Variants in FGA observed in about 807,000 individuals in gnomAD.
FGA encodes the protein fibrinogen, A alpha polypeptide.
Under a neutral mutation model 20.3 loss-of-function variants are expected in FGA, and 20 were observed. The ratio of observed to expected loss-of-function variants is 0.99; its 90% CI spans 0.69 to 1.43. The LOEUF (loss-of-function observed/expected upper bound fraction) is 1.43, where lower values mean the gene tolerates loss of function less well. Among genes scored for constraint, FGA ranks in the 40% most tolerant of loss-of-function variants. The probability of loss-of-function intolerance (pLI) is 0.00; values close to 1 mark genes in which losing one functional copy is unlikely to be tolerated. For missense variants in FGA, 777 were observed against 784.7 expected (o/e 0.99, Z 0.12); for synonymous variants, 306 against 281.6 (o/e 1.09, Z -0.87).
chr4:154,584,208 A>G (rs772268514), downstream of FGA: 1 of 1,610,070 alleles, frequency 6.2e-7, no homozygotes, highest in Non-Finnish European at 8.5e-7. Context: ...AGACCACTCC[A>G]TTCTCAATCT....
rs763140166 is a variant in FGA, at chr4:154,589,592, A to G, written c.55-30T>C. 10 of 1,609,352 alleles carry G rather than the reference A, an allele frequency of 6.2e-6. 1 individual carries two copies. In the Admixed American group the frequency reaches 1.0e-4, roughly 16 times the overall value. On this transcript the variant is annotated intron_variant, in intron 1 of 4. Coordinates refer to ENST00000403106, the MANE Select transcript of FGA (RefSeq NM_021871.4). ...AAAGATTCATTCACATACACAAAAG[A>G]GAGCAACAGCAATGTTAGCCAGAAG...
chr4:154,584,023 A>AT (rs1259617151), downstream of FGA: 2 of 921,168 alleles, frequency 2.2e-6, no homozygotes, highest in African/African-American at 1.7e-5. Flanking sequence ...GCACCTAGGA[A>AT]TTTTTTAGGT....
chr4:154,586,928 G>A lies in FGA; in HGVS notation c.511-10C>T, dbSNP rs762697411. The A allele has an allele frequency of 6.2e-7, 1 of 1,612,270 alleles. No individual in the cohort carries two copies. The highest frequency in any genetic ancestry group is 1.1e-5 in the South Asian group (1 of 91,042). ...TAATATCAATGTCCACCTAGAGAGA[G>A]GGGAGAAAAATAAAGAGAAAATGTA... On this transcript the variant is annotated splice_polypyrimidine_tract_variant and intron_variant, in intron 4 of 4. Transcript: ENST00000403106.
At chr4:154,587,789 A>AAGAAAG (rs1730772807) in intron 3 of FGA, 132 bp from the exon 4 acceptor site, 1 of 725,200 alleles carries the variant, frequency 1.4e-6, no homozygotes, top group Non-Finnish European at 2.3e-6. Flanking sequence ...GAAAGAAAGA[A>AAGAAAG]AGAAAGAAAG....
intron 3 of FGA, among the ~76,000 whole-genome samples, chr4:154,588,001 G>C (rs1481592167): frequency 6.6e-6 from 1 of 152,114 alleles, no homozygotes; most frequent in Non-Finnish European, 1.5e-5. Flanking sequence ...ACTTTCTTTG[G>C]AATTTTAAAG....
In FGA at chr4:154,586,831, G is replaced by T. The variant is rs776578146; in HGVS notation, c.598C>A (p.Gln200Lys). 1 of 1,614,120 alleles carries T rather than the reference G, an allele frequency of 6.2e-7. No individual in the cohort carries two copies. The highest frequency in any genetic ancestry group is 1.7e-5 in the Admixed American group (1 of 60,016). The part of the protein sequence containing the change: ...REVDLKDYED[Q>K]QKQLEQVIAK... ...ATGACCTGTTCAAGTTGCTTCTGCTGATCTTCATAGTCCTTCAGATCTACT... is the reference window on the plus strand; with the variant it reads ...ATGACCTGTTCAAGTTGCTTCTGCTTATCTTCATAGTCCTTCAGATCTACT... Residue 200 changes from glutamine (Q) to lysine (K), a missense_variant, in exon 5 of 5, where the codon CAG becomes AAG. Physicochemically the swap from Gln to Lys is moderately conservative, Grantham distance 53. Coordinates refer to ENST00000403106, the MANE Select transcript of FGA (RefSeq NM_021871.4).
At position 154,587,733 on chromosome 4, in the gene FGA, A is replaced by AAAGGAAGG. The variant is rs1229169589; in HGVS notation, c.365-84_365-77dup. Reference sequence around the variant, plus strand: ...AATTGCCAGCAAAAAAGAAAGGAAGAAAGGAAGGAAGGAGAAAGAAAGAAA... The same window carrying AAAGGAAGG: ...AATTGCCAGCAAAAAAGAAAGGAAGAAAGGAAGGAAGGAAGGAAGGAGAAAGAAAGAAA... On this transcript the variant is annotated intron_variant, in intron 3 of 4. Transcript: ENST00000403106. The AAAGGAAGG allele has an allele frequency of 2.0e-5, 19 of 955,930 alleles. No individual in the cohort carries two copies. In the African/African-American group the frequency reaches 3.1e-4, roughly 15 times the overall value. 59.2% of individuals were successfully genotyped at this position (955,930 alleles called of 1,614,324 possible).
At chr4:154,583,154 A>G (rs1179933657), downstream of FGA, 3 of 152,212 alleles carry the variant, frequency 2.0e-5, no homozygotes, top group African/African-American at 7.2e-5. Context: ...TACATATTCA[A>G]GAGAAAATGA....
In FGA at chr4:154,588,923, A is replaced by G. The variant is rs1578798973; in HGVS notation, c.234T>C (p.Asn78=). The G allele has an allele frequency of 6.2e-7, 1 of 1,613,542 alleles. No homozygotes were observed. The highest frequency in any genetic ancestry group is 1.7e-5 in the Admixed American group (1 of 59,978). ...CRMKGLIDEV[N]QDFTNRINKL... is the part of the protein sequence containing the mutation. ...TATTTATTCTGTTTGTAAAATCTTG[A>G]TTGACTTCATCAATCAACCCTTTCA... Residue 78 remains asparagine, a synonymous_variant, in exon 3 of 5, where the codon AAT becomes AAC. Transcript: ENST00000403106.
intron 3 of FGA, 146 bp from the exon 4 acceptor site, chr4:154,587,803 G>T (rs1730775135): frequency 1.5e-6 from 1 of 664,374 alleles, no homozygotes; most frequent in South Asian, 1.8e-5. Context: ...AAGAAAGAAA[G>T]AGAAAAAAGA....
chr4:154,590,680 G>A lies in FGA; in HGVS notation c.8C>T (p.Ser3Phe), dbSNP rs771156473. ...TAGGACCAGGCAGACGATCCTCATG[G>A]AAAACATCTTTTCTAAGGGTGGGGC... The part of the protein sequence containing the change: MF[S>F]MRIVCLVLSV... The change falls in exon 1 of 5, where the codon TCC (serine) becomes TTC (phenylalanine). Residue 3 changes from serine to phenylalanine, a missense_variant. Coordinates refer to ENST00000403106, the MANE Select transcript of FGA (RefSeq NM_021871.4). The A allele has an allele frequency of 3.2e-6, 5 of 1,556,758 alleles. No individual in the cohort carries two copies. In the Admixed American group the frequency reaches 9.7e-5, roughly 30 times the overall value.
downstream of FGA, chr4:154,584,039 A>G: frequency 9.8e-7 from 1 of 1,017,124 alleles, no homozygotes; most frequent in Non-Finnish European, 1.5e-6. Flanking sequence ...TAGGTTGTAG[A>G]GAATCTCAAC....
At chr4:154,584,806 G>C (rs758526513), downstream of FGA, 1 of 1,613,566 alleles carries the variant, frequency 6.2e-7, no homozygotes, top group Non-Finnish European at 8.5e-7. Flanking sequence ...GGTACCTGAA[G>C]GATGTGTTTG....
Position 154,590,657 on chromosome 4 carries a change from GGACCAGGCA to G in FGA, c.22_30del (p.Cys8_Val10del), listed in dbSNP as rs1560828572. On this transcript the variant is annotated inframe_deletion, in exon 1 of 5. Transcript: ENST00000403106. ...ACCCATGCTGTGCCCACCACACTTA[GGACCAGGCA>G]GACGATCCTCATGGAAAACATCTTT... 6.4e-7 allele frequency: 1 copy of G among 1,558,792 alleles called. No individual in the cohort carries two copies. Among genetic ancestry groups the G allele is most frequent in the South Asian group, 1.2e-5 (1 of 84,484 alleles).
At chr4:154,584,092 A>AGACAGAGTGCTCCCATTCCCACTTCGAT, downstream of FGA, 2 of 1,543,554 alleles carry the variant, frequency 1.3e-6, no homozygotes, top group Non-Finnish European at 1.8e-6. Flanking sequence ...CTAGCAAAGA[A>AGACAGAGTGCTCCCATTCCCACTTCGAT]GACAGAGTGC....
chr4:154,586,030 T>C lies in FGA; in HGVS notation c.1399A>G (p.Lys467Glu). The C allele has an allele frequency of 6.2e-7, 1 of 1,614,146 alleles. No homozygotes were observed. The highest frequency in any genetic ancestry group is 8.5e-7 in the Non-Finnish European group (1 of 1,180,004). The change falls in exon 5 of 5, where the codon AAG (lysine) becomes GAG (glutamate). Residue 467 changes from lysine to glutamate, a missense_variant. Coordinates refer to ENST00000403106, the MANE Select transcript of FGA (RefSeq NM_021871.4). Reference protein sequence around the residue: ...TRRSCSKTVTKTVIGPDGHKE... With the variant: ...TRRSCSKTVTETVIGPDGHKE... Reference sequence around the variant, plus strand: ...TGACCATCAGGACCAATAACAGTCTTAGTAACGGTTTTAGAGCATGAACGA... The same window carrying C: ...TGACCATCAGGACCAATAACAGTCTCAGTAACGGTTTTAGAGCATGAACGA...
chr4:154,585,391 C>A lies in FGA; in HGVS notation c.*103G>T, dbSNP rs1730680034. 2 of 1,106,382 alleles carry A rather than the reference C, an allele frequency of 1.8e-6. No homozygotes were observed. The highest frequency in any genetic ancestry group is 3.1e-5 in the African/African-American group (2 of 63,800). 68.5% of individuals were successfully genotyped at this position (1,106,382 alleles called of 1,614,324 possible). On this transcript the variant is annotated 3_prime_UTR_variant, in exon 5 of 5. Coordinates refer to ENST00000403106, the MANE Select transcript of FGA (RefSeq NM_021871.4). ...CCCCCAAGGAACTTACAGTCTAGCA[C>A]AAAAACAGACCAAAAAAGTGTAGTT...
chr4:154,589,003 T>C (rs764072780), intron 2 of FGA, 27 bp from the exon 3 acceptor site: 2 of 1,563,990 alleles, frequency 1.3e-6, no homozygotes, highest in Non-Finnish European at 1.8e-6. Flanking sequence ...AAAATTACAG[T>C]AAGGATCTAT....
downstream of FGA, chr4:154,584,285 C>T (rs1560823348): frequency 6.2e-7 from 1 of 1,614,126 alleles, no homozygotes. Context: ...AGATTGGCTG[C>T]TTGGCAGTTA....
Sources: gnomAD v4.1 joint callset for allele counts (sites outside exome capture counted in the v4.1 genomes callset) on GRCh38, gnomAD v4.1.1 for gene constraint, MANE v1.5 for transcripts, NCBI Gene and HGNC (gene_info 2026-07-23, HGNC 2026-07-21) for gene names.